The following GLIS3 variants were observed in gnomAD, a reference collection of about 807,000 sequenced individuals.
GLIS3 encodes zinc finger protein GLIS3.
A neutral mutation model predicts 78.6 loss-of-function variants in GLIS3; 53 were observed. That is an observed-to-expected ratio of 0.67 (90% CI 0.54 to 0.85). The LOEUF (loss-of-function observed/expected upper bound fraction) is 0.85, where lower values mean the gene tolerates loss of function less well. GLIS3 is among the 40% of genes least tolerant of loss of function. The probability of loss-of-function intolerance (pLI) is 0.00; values close to 1 mark genes in which losing one functional copy is unlikely to be tolerated. For missense variants in GLIS3, 1,703 were observed against 1,231.1 expected (o/e 1.38, Z -5.74); for synonymous variants, 684 against 509.9 (o/e 1.34, Z -4.60).
intron 4 of GLIS3, among the ~76,000 whole-genome samples, chr9:4,084,715 T>C (rs1828873192): frequency 6.6e-6 from 1 of 152,212 alleles, no homozygotes. Context: ...TGCCGTACAG[T>C]AAAGCTGCGC....
At chr9:4,484,135 T>G in the GLIS3 span, among the ~76,000 whole-genome samples, 1 of 152,218 alleles carries the variant, frequency 6.6e-6, no homozygotes, top group East Asian at 1.9e-4. Context: ...TTTGCAAAAT[T>G]ATAACAGTAA....
intron 4 of GLIS3, among the ~76,000 whole-genome samples, chr9:3,949,171 T>G (rs991980050): frequency 6.6e-6 from 1 of 152,214 alleles, no homozygotes; most frequent in South Asian, 2.1e-4. Flanking sequence ...CCAGTTGCTC[T>G]CTTTCTTTTT....
Position 4,286,321 on chromosome 9 carries a change from G to C in GLIS3, c.105C>G (p.Ser35=). Reference sequence around the variant, plus strand: ...CACAGGGCGAGGGGCCAGGAGTCCCGGAGTGGGCTCGGATGGCAGGAATGT... The same window carrying C: ...CACAGGGCGAGGGGCCAGGAGTCCCCGAGTGGGCTCGGATGGCAGGAATGT... ...GHHIPAIRAH[S]GTPGPSPCGS... Residue 35 remains serine, a synonymous_variant, in exon 2 of 11, where the codon TCC becomes TCG. Coordinates refer to ENST00000381971, the MANE Select transcript of GLIS3 (RefSeq NM_001042413.2). 6.2e-7 allele frequency: 1 copy of C among 1,613,374 alleles called. No homozygotes were observed. Among genetic ancestry groups the C allele is most frequent in the South Asian group, 1.1e-5 (1 of 90,958 alleles).
At chr9:4,206,261 G>A (rs1022302328) in intron 2 of GLIS3, among the ~76,000 whole-genome samples, 1 of 152,194 alleles carries the variant, frequency 6.6e-6, no homozygotes, top group Admixed American at 6.5e-5. Flanking sequence ...TTAAAAAGAG[G>A]TGGAAATGTT....
chr9:4,084,256 A>AAC (rs370384726), intron 4 of GLIS3, among the ~76,000 whole-genome samples: 45,551 of 131,954 alleles, frequency 0.35, 7,639 homozygotes, highest in South Asian at 0.49. Context: ...TCCTCTCTCT[A>AAC]ACACACACAC....
chr9:4,462,557 G>C, the GLIS3 span, among the ~76,000 whole-genome samples: 1 of 151,356 alleles, frequency 6.6e-6, no homozygotes, highest in Non-Finnish European at 1.5e-5. Context: ...AGGAGTTCAA[G>C]ATCAGCCTGG....
At chr9:3,828,542 T>TA in intron 10 of GLIS3, 134 bp from the exon 11 acceptor site, 1 of 1,119,252 alleles carries the variant, frequency 8.9e-7, no homozygotes, top group South Asian at 1.3e-5. Flanking sequence ...CTGGGCCCTA[T>TA]AGTGAGTCTC....
At chr9:3,951,005 C>A (rs934014519) in intron 4 of GLIS3, among the ~76,000 whole-genome samples, 1 of 152,084 alleles carries the variant, frequency 6.6e-6, no homozygotes, top group African/African-American at 2.4e-5. Flanking sequence ...CAGAACAGAC[C>A]CTCAGGTCTG....
chr9:4,016,730 C>T (rs1030579924), intron 4 of GLIS3, among the ~76,000 whole-genome samples: 1 of 152,184 alleles, frequency 6.6e-6, no homozygotes, highest in South Asian at 2.1e-4. Flanking sequence ...CACTAAATCA[C>T]CCAGCATTAA....
At chr9:3,944,092 C>A (rs1026002441) in intron 4 of GLIS3, among the ~76,000 whole-genome samples, 1 of 152,048 alleles carries the variant, frequency 6.6e-6, no homozygotes, top group Non-Finnish European at 1.5e-5. Flanking sequence ...GAATATGTTG[C>A]TTTTTAACAT....
chr9:4,221,180 T>C (rs1382748947), intron 2 of GLIS3, among the ~76,000 whole-genome samples: 1 of 152,128 alleles, frequency 6.6e-6, no homozygotes. Flanking sequence ...CATACATGCA[T>C]AGGTAAAAAC....
intron 4 of GLIS3, among the ~76,000 whole-genome samples, chr9:3,950,688 T>C (rs1016236693): frequency 6.6e-5 from 10 of 152,274 alleles, no homozygotes; most frequent in Non-Finnish European, 4.4e-5. Context: ...TATGCCCTTA[T>C]AGCATCCTCA....
At chr9:4,434,644 G>C in the GLIS3 span, among the ~76,000 whole-genome samples, 9 of 152,284 alleles carry the variant, frequency 5.9e-5, no homozygotes, top group South Asian at 4.1e-4. Context: ...ACCTTCTCTA[G>C]AGGTGTGTAT....
At chr9:3,864,802 G>A (rs1323900330) in intron 8 of GLIS3, among the ~76,000 whole-genome samples, 1 of 152,158 alleles carries the variant, frequency 6.6e-6, no homozygotes, top group Non-Finnish European at 1.5e-5. Context: ...AGGGCGTTTG[G>A]CTCTTATAGA....
At chr9:4,041,203 A>G (rs1166524024) in intron 4 of GLIS3, among the ~76,000 whole-genome samples, 1 of 152,146 alleles carries the variant, frequency 6.6e-6, no homozygotes, top group African/African-American at 2.4e-5. Flanking sequence ...GCCCCGGGGG[A>G]TGTCTAGCAA....
intron 4 of GLIS3, among the ~76,000 whole-genome samples, chr9:4,081,877 T>C (rs1828578950): frequency 6.6e-6 from 1 of 152,220 alleles, no homozygotes; most frequent in South Asian, 2.1e-4. Flanking sequence ...GTTCTCCTTT[T>C]TGTATTCTCA....
intron 2 of GLIS3, among the ~76,000 whole-genome samples, chr9:4,252,271 T>G (rs1252949717): frequency 6.6e-6 from 1 of 152,216 alleles, no homozygotes; most frequent in Non-Finnish European, 1.5e-5. Context: ...TCTTTTTACA[T>G]AGTCCCATAT....
chr9:4,083,807 G>A (rs1203112912), intron 4 of GLIS3, among the ~76,000 whole-genome samples: 1 of 152,208 alleles, frequency 6.6e-6, no homozygotes, highest in African/African-American at 2.4e-5. Flanking sequence ...TATGCAAGAT[G>A]ACCAGCTAAG....
At chr9:4,284,470 T>C (rs927421766) in intron 2 of GLIS3, among the ~76,000 whole-genome samples, 13 of 152,114 alleles carry the variant, frequency 8.5e-5, no homozygotes, top group Admixed American at 2.0e-4. Flanking sequence ...TGCCACATCA[T>C]GGACATAGCA....
Sources: gnomAD v4.1 joint callset for allele counts (sites outside exome capture counted in the v4.1 genomes callset) on GRCh38, gnomAD v4.1.1 for gene constraint, MANE v1.5 for transcripts, NCBI Gene and HGNC (gene_info 2026-07-23, HGNC 2026-07-21) for gene names.